Variants in EIF2AK3 observed in about 807,000 individuals in gnomAD.
EIF2AK3 encodes eukaryotic translation initiation factor 2 alpha kinase 3, also known as eukaryotic translation initiation factor 2-alpha kinase 3.
In EIF2AK3, 50 loss-of-function variants were observed where a neutral mutation model predicts 113.5. That is an observed-to-expected ratio of 0.44 (90% CI 0.35 to 0.56). The LOEUF is 0.56. Among genes scored for constraint, EIF2AK3 ranks in the 20% least tolerant of loss-of-function variants. The probability of loss-of-function intolerance (pLI) is 0.00; values close to 1 mark genes in which losing one functional copy is unlikely to be tolerated. For synonymous variants in EIF2AK3, 448 were observed against 495.4 expected (o/e 0.90, Z 1.27); for missense variants, 1,185 against 1,378.0 (o/e 0.86, Z 2.22).
intron 11 of EIF2AK3, among the ~76,000 whole-genome samples, chr2:88,579,066 C>G (rs1674533416): frequency 6.6e-6 from 1 of 151,992 alleles, no homozygotes; most frequent in Non-Finnish European, 1.5e-5. Context: ...ACAGACAAAA[C>G]TGTACAGTAC....
At chr2:88,597,924 C>T (rs1006846113) in intron 2 of EIF2AK3, among the ~76,000 whole-genome samples, 1 of 151,988 alleles carries the variant, frequency 6.6e-6, no homozygotes, top group Non-Finnish European at 1.5e-5. Flanking sequence ...TACCCGGTGC[C>T]CAAATTTTGT....
At chr2:88,585,563 C>T (rs1180207662) in intron 9 of EIF2AK3, among the ~76,000 whole-genome samples, 2 of 152,124 alleles carry the variant, frequency 1.3e-5, no homozygotes, top group African/African-American at 4.8e-5. Context: ...GGTCCTGAAG[C>T]ATCCACATCA....
At chr2:88,586,097 G>A in intron 8 of EIF2AK3, 36 bp from the exon 9 acceptor site, 1 of 1,570,642 alleles carries the variant, frequency 6.4e-7, no homozygotes, top group Non-Finnish European at 8.8e-7. Context: ...TTTTTTAAAG[G>A]TAATCAAAAA....
intron 1 of EIF2AK3, among the ~76,000 whole-genome samples, chr2:88,623,846 T>C (rs1395070352): frequency 3.2e-4 from 48 of 152,212 alleles, no homozygotes; most frequent in Admixed American, 3.0e-3. Context: ...TATCTCTTCC[T>C]AGGCAATTCT....
intron 6 of EIF2AK3, 103 bp downstream of exon 6, chr2:88,590,340 G>C (rs949823068): frequency 2.6e-6 from 3 of 1,141,742 alleles, no homozygotes; most frequent in Non-Finnish European, 3.9e-6. Flanking sequence ...ATGATATTAG[G>C]ATTTAAAACT....
chr2:88,622,348 C>A (rs1404041187), intron 1 of EIF2AK3, among the ~76,000 whole-genome samples: 1 of 152,174 alleles, frequency 6.6e-6, no homozygotes, highest in Non-Finnish European at 1.5e-5. Flanking sequence ...ATAAGAAGTT[C>A]CCCTCTTACA....
rs1395595747 is a variant in EIF2AK3, at chr2:88,588,823, T to G, written c.1244A>C (p.Glu415Ala). The G allele has an allele frequency of 3.7e-6, 6 of 1,613,846 alleles. No homozygotes were observed. The highest frequency in any genetic ancestry group is 5.1e-6 in the Non-Finnish European group (6 of 1,179,848). Residue 415 changes from glutamate to alanine, a missense_variant, in exon 7 of 17, where the codon GAA (glutamate) becomes GCA (alanine). Glu to Ala is a moderately radical substitution (Grantham distance 107, BLOSUM62 -1). This residue lies in a region of EIF2AK3 where 877 missense variants were observed against 1,024.2 expected (regional missense o/e 0.86). Transcript: ENST00000303236. ...EKFPSSPKAL[E>A]SVTNENAIIP... Reference sequence around the variant, plus strand: ...AATTGCGTTTTCATTAGTGACAGATTCCAAAGCCTTGGGACTTGAAGGAAA... The same window carrying G: ...AATTGCGTTTTCATTAGTGACAGATGCCAAAGCCTTGGGACTTGAAGGAAA...
At chr2:88,607,156 T>C (rs1436319721) in intron 2 of EIF2AK3, among the ~76,000 whole-genome samples, 1 of 152,184 alleles carries the variant, frequency 6.6e-6, no homozygotes, top group Non-Finnish European at 1.5e-5. Context: ...TCAATCTACT[T>C]AGATTTGGTG....
At chr2:88,570,764 T>G (rs1674283948) in intron 14 of EIF2AK3, 110 bp downstream of exon 14, 1 of 1,411,624 alleles carries the variant, frequency 7.1e-7, no homozygotes, top group African/African-American at 1.4e-5. Flanking sequence ...TTTTCATAAT[T>G]TTCAGACTTA....
At chr2:88,578,809 GA>G (rs1479952168) in intron 11 of EIF2AK3, among the ~76,000 whole-genome samples, 5 of 151,932 alleles carry the variant, frequency 3.3e-5, no homozygotes, top group African/African-American at 1.2e-4. Flanking sequence ...CTATCCTAAG[GA>G]AATAGATATT....
chr2:88,592,179 G>C (rs748057727), intron 4 of EIF2AK3, among the ~76,000 whole-genome samples: 3 of 152,014 alleles, frequency 2.0e-5, no homozygotes, highest in African/African-American at 7.2e-5. Flanking sequence ...TAGAATCAGC[G>C]TATCTAATCT....
intron 2 of EIF2AK3, among the ~76,000 whole-genome samples, chr2:88,608,613 T>A (rs971597099): frequency 4.6e-5 from 7 of 152,050 alleles, no homozygotes; most frequent in East Asian, 1.9e-4. Flanking sequence ...TTAAGGACCT[T>A]AAGAAAACAC....
At chr2:88,577,124 C>G (rs1014447911) in intron 11 of EIF2AK3, among the ~76,000 whole-genome samples, 8 of 151,998 alleles carry the variant, frequency 5.3e-5, no homozygotes, top group African/African-American at 1.5e-4. Flanking sequence ...GCTGGGATTA[C>G]AGATGCGCAC....
Position 88,578,365 on chromosome 2 carries a change from C to T in EIF2AK3, c.1886+1153G>A, listed in dbSNP as rs572355020. Among the ~76,000 whole-genome samples, 20 of 151,094 alleles carry T rather than the reference C, an allele frequency of 1.3e-4. No homozygotes were observed. The East Asian group carries it at 2.0e-3, about 15-fold the overall frequency. ...GAGTTCGAGACCAGCCTGGCCAACACGGTGAAACACTGTCTCTACTAAAAA... is the reference window on the plus strand; with the variant it reads ...GAGTTCGAGACCAGCCTGGCCAACATGGTGAAACACTGTCTCTACTAAAAA... On this transcript the variant is annotated intron_variant, in intron 11 of 16. Coordinates refer to ENST00000303236, the MANE Select transcript of EIF2AK3 (RefSeq NM_004836.7).
At chr2:88,619,967 A>AG (rs1484962048) in intron 1 of EIF2AK3, among the ~76,000 whole-genome samples, 1 of 152,024 alleles carries the variant, frequency 6.6e-6, no homozygotes, top group African/African-American at 2.4e-5. Flanking sequence ...AAAAAAAAAA[A>AG]AAAAAAAATC....
intron 14 of EIF2AK3, among the ~76,000 whole-genome samples, chr2:88,569,820 A>G: frequency 6.6e-6 from 1 of 152,218 alleles, no homozygotes; most frequent in East Asian, 1.9e-4. Flanking sequence ...ATCAAAGACA[A>G]AATATCTACA....
intron 11 of EIF2AK3, among the ~76,000 whole-genome samples, chr2:88,577,461 CTTTT>C (rs199735400): frequency 7.2e-6 from 1 of 139,450 alleles, no homozygotes; most frequent in Non-Finnish European, 1.6e-5. Flanking sequence ...TACAAGCTAT[CTTTT>C]TTTTTTTTTT....
At position 88,593,268 on chromosome 2, in the gene EIF2AK3, A is replaced by C. The variant is rs746663142; in HGVS notation, c.767+4T>G. ...ACCAACAGCAACATTATCTGAATACACACTTCTCATTGCCACTGCGAGGTC... is the reference window on the plus strand; with the variant it reads ...ACCAACAGCAACATTATCTGAATACCCACTTCTCATTGCCACTGCGAGGTC... On this transcript the variant is annotated splice_donor_region_variant and intron_variant, in intron 4 of 16. Coordinates refer to ENST00000303236, the MANE Select transcript of EIF2AK3 (RefSeq NM_004836.7). 7.4e-6 allele frequency: 12 copies of C among 1,614,078 alleles called. No homozygotes were observed. The highest frequency in any genetic ancestry group is 1.3e-5 in the African/African-American group (1 of 75,060).
intron 3 of EIF2AK3, among the ~76,000 whole-genome samples, chr2:88,595,206 CAAAAAAA>C (rs11339424): frequency 6.7e-5 from 4 of 59,456 alleles, no homozygotes; most frequent in Non-Finnish European, 9.1e-5. Flanking sequence ...GACTCTGTCT[CAAAAAAA>C]AAAAAAAAAA....
Sources: gnomAD v4.1 joint callset for allele counts (sites outside exome capture counted in the v4.1 genomes callset) on GRCh38, gnomAD v4.1.1 for gene constraint, gnomAD v4.1.1 regional missense constraint, MANE v1.5 for transcripts, NCBI Gene and HGNC (gene_info 2026-07-23, HGNC 2026-07-21) for gene names.